ZCCHC24: variants seen among roughly 807,000 people sequenced by gnomAD.
ZCCHC24 encodes zinc finger CCHC-type containing 24, also known as zinc finger CCHC domain-containing protein 24.
A neutral mutation model predicts 26.2 loss-of-function variants in ZCCHC24; 10 were observed. The ratio of observed to expected loss-of-function variants is 0.38; its 90% CI spans 0.24 to 0.65. The LOEUF (loss-of-function observed/expected upper bound fraction) is 0.65, where lower values mean the gene tolerates loss of function less well. Among genes scored for constraint, ZCCHC24 ranks in the 30% least tolerant of loss-of-function variants. ZCCHC24 has a pLI of 0.54. For missense variants in ZCCHC24, 243 were observed against 329.1 expected (o/e 0.74, Z 2.03); for synonymous variants, 144 against 147.1 (o/e 0.98, Z 0.15).
At chr10:79,413,681 G>A (rs1856822060) in intron 2 of ZCCHC24, among the ~76,000 whole-genome samples, 1 of 152,182 alleles carries the variant, frequency 6.6e-6, no homozygotes, top group African/African-American at 2.4e-5. Flanking sequence ...GGGTTTGGAT[G>A]CCAGCTCTAT....
chr10:79,443,975 T>A (rs894095309), intron 1 of ZCCHC24: 3 of 1,239,568 alleles, frequency 2.4e-6, no homozygotes, highest in Non-Finnish European at 3.2e-6. Flanking sequence ...ATGCCTCCCC[T>A]AGTAAATAAT....
At chr10:79,418,976 A>G (rs962177619) in intron 2 of ZCCHC24, among the ~76,000 whole-genome samples, 15 of 152,096 alleles carry the variant, frequency 9.9e-5, no homozygotes, top group African/African-American at 3.6e-4. Context: ...ACTCGGGGAC[A>G]GTGTGAGCAA....
intron 1 of ZCCHC24, 59 bp downstream of exon 1, chr10:79,445,136 C>T: frequency 4.0e-6 from 2 of 505,902 alleles, no homozygotes; most frequent in East Asian, 7.4e-5. Flanking sequence ...GGGAACGGCC[C>T]GCCACGGTGG....
At chr10:79,413,160 C>T (rs7100182) in intron 2 of ZCCHC24, among the ~76,000 whole-genome samples, 10,198 of 152,320 alleles carry the variant, frequency 0.067, 523 homozygotes, top group African/African-American at 0.14. Context: ...ATGTGACCAG[C>T]CTCTGCCCCT....
intron 2 of ZCCHC24, among the ~76,000 whole-genome samples, chr10:79,421,052 G>A (rs1856926932): frequency 6.6e-6 from 1 of 152,226 alleles, no homozygotes; most frequent in Admixed American, 6.5e-5. Context: ...CTTCAGGGCT[G>A]TGCTCGAAGG....
chr10:79,428,225 T>C (rs1564639334), intron 2 of ZCCHC24, among the ~76,000 whole-genome samples: 1 of 152,208 alleles, frequency 6.6e-6, no homozygotes, highest in Non-Finnish European at 1.5e-5. Context: ...ACAGTGTGGA[T>C]GAAACTTGAG....
In ZCCHC24 at chr10:79,391,930, C is replaced by T. The variant is rs1856485141; in HGVS notation, c.612+2346G>A. The stretch of plus-strand genomic sequence containing the variant: ...GACAGTGACCTTTCCCTCCTACCAC[C>T]CCTCAGCCACACCCTAGACTTGGGC... On this transcript the variant is annotated intron_variant, in intron 3 of 3. Transcript: ENST00000372336. Among the ~76,000 whole-genome samples, 4 of 151,612 alleles carry T rather than the reference C, an allele frequency of 2.6e-5. No individual in the cohort carries two copies. In the South Asian group the frequency reaches 8.4e-4, roughly 32 times the overall value.
At chr10:79,389,529 AGTGTGTGTGTGTGTGTGTGT>A (rs5786399) in intron 3 of ZCCHC24, among the ~76,000 whole-genome samples, 1 of 146,230 alleles carries the variant, frequency 6.8e-6, no homozygotes, top group Non-Finnish European at 1.5e-5. Flanking sequence ...ACTTTTTCCT[AGTGTGTGTGTGTGTGTGTGT>A]GTGTGTGTGT....
chr10:79,394,145 C>T, intron 3 of ZCCHC24, 131 bp downstream of exon 3: 1 of 1,295,774 alleles, frequency 7.7e-7, no homozygotes, highest in Non-Finnish European at 1.0e-6. Context: ...CCTCCCATTT[C>T]AGATGAGACA....
intron 2 of ZCCHC24, among the ~76,000 whole-genome samples, chr10:79,399,156 G>T (rs1454155723): frequency 2.0e-5 from 3 of 152,204 alleles, no homozygotes; most frequent in African/African-American, 7.2e-5. Flanking sequence ...TAAAGGCAGT[G>T]GATGGAGGAG....
At chr10:79,386,646 G>A (rs979767545) in intron 3 of ZCCHC24, among the ~76,000 whole-genome samples, 188 bp from the exon 4 acceptor site, 6 of 152,130 alleles carry the variant, frequency 3.9e-5, no homozygotes, top group Admixed American at 6.5e-5. Context: ...ACACACACCC[G>A]ATGAGGGGTG....
intron 2 of ZCCHC24, among the ~76,000 whole-genome samples, chr10:79,409,518 G>A (rs368974166): frequency 2.6e-5 from 4 of 152,194 alleles, no homozygotes; most frequent in Non-Finnish European, 4.4e-5. Context: ...TGGGCCCAGC[G>A]TGGGTCTGGC....
intron 2 of ZCCHC24, among the ~76,000 whole-genome samples, chr10:79,425,817 C>T (rs1277662204): frequency 2.6e-5 from 4 of 152,136 alleles, no homozygotes; most frequent in South Asian, 2.1e-4. Flanking sequence ...ACCTTGGGGC[C>T]GGATGGCTGG....
At chr10:79,417,938 C>G (rs999142582) in intron 2 of ZCCHC24, among the ~76,000 whole-genome samples, 1 of 152,182 alleles carries the variant, frequency 6.6e-6, no homozygotes, top group African/African-American at 2.4e-5. Context: ...TGGGATCTGG[C>G]CACCTTGCCC....
rs1478247792 is a variant in ZCCHC24 at position 79,386,428 on chromosome 10, C to T, written c.643G>A (p.Val215Met). Residue 215 changes from valine (V) to methionine (M), a missense_variant, in exon 4 of 4, where the codon GTG becomes ATG. Val to Met is a conservative substitution (Grantham distance 21). Coordinates refer to ENST00000372336, the MANE Select transcript of ZCCHC24 (RefSeq NM_153367.4). ...RPLEKPDGLD[V>M]SDQSKEHPQH... The stretch of plus-strand genomic sequence containing the variant: ...GGGTGCTCCTTGCTCTGGTCGGACA[C>T]GTCCAGGCCGTCGGGCTTCTCCAGG... 3.7e-6 allele frequency: 6 copies of T among 1,603,952 alleles called. No homozygotes were observed. Among genetic ancestry groups the T allele is most frequent in the African/African-American group, 1.3e-5 (1 of 74,752 alleles).
chr10:79,423,934 C>T (rs1240184123), intron 2 of ZCCHC24, among the ~76,000 whole-genome samples: 1 of 150,480 alleles, frequency 6.6e-6, no homozygotes, highest in African/African-American at 2.4e-5. Flanking sequence ...AGGAGAATCG[C>T]TTGAACCCAA....
intron 2 of ZCCHC24, among the ~76,000 whole-genome samples, chr10:79,401,880 G>A (rs1221609800): frequency 1.3e-5 from 2 of 152,256 alleles, no homozygotes; most frequent in Non-Finnish European, 2.9e-5. Context: ...TGTCCTGCCC[G>A]GTCTGCCCAG....
intron 3 of ZCCHC24, among the ~76,000 whole-genome samples, chr10:79,387,879 C>T (rs1856422386): frequency 6.6e-6 from 1 of 152,140 alleles, no homozygotes; most frequent in South Asian, 2.1e-4. Context: ...CCTTCTGCCC[C>T]TGGCCCAGGG....
intron 2 of ZCCHC24, among the ~76,000 whole-genome samples, chr10:79,414,090 C>A (rs1193191441): frequency 6.6e-6 from 1 of 152,214 alleles, no homozygotes; most frequent in African/African-American, 2.4e-5. Flanking sequence ...GCTCTCCAGG[C>A]CAAGGAGGTG....
Sources: allele counts gnomAD v4.1 joint callset (sites outside exome capture counted in the v4.1 genomes callset), GRCh38; gene constraint gnomAD v4.1.1; transcripts MANE v1.5; gene names NCBI Gene and HGNC (gene_info 2026-07-23, HGNC 2026-07-21).